Variants in RPTOR observed in about 807,000 individuals in gnomAD.
The protein encoded by RPTOR is regulatory-associated protein of mTOR.
RPTOR carries 21 observed loss-of-function variants against 169.9 expected under a neutral mutation model. That is an observed-to-expected ratio of 0.12 (90% CI 0.09 to 0.18). The LOEUF is 0.18. Ranked by LOEUF, RPTOR falls within the 10% of genes least tolerant of loss-of-function variation. The pLI is 1.00. For synonymous variants in RPTOR, 732 were observed against 753.2 expected (o/e 0.97, Z 0.46); for missense variants, 1,133 against 1,855.9 (o/e 0.61, Z 7.16).
intron 6 of RPTOR, among the ~76,000 whole-genome samples, chr17:80,787,209 G>C (rs1303201334): frequency 6.6e-6 from 1 of 152,142 alleles, no homozygotes; most frequent in Non-Finnish European, 1.5e-5. Flanking sequence ...AAAGGCTTTA[G>C]TGCTGAATGT....
chr17:80,911,520 A>G (rs2068612661), intron 21 of RPTOR, among the ~76,000 whole-genome samples: 1 of 152,174 alleles, frequency 6.6e-6, no homozygotes, highest in South Asian at 2.1e-4. Context: ...GGTGGCTCAC[A>G]CCTGTAATCC....
At chr17:80,899,000 G>A (rs1470544445) in intron 20 of RPTOR, among the ~76,000 whole-genome samples, 1 of 152,094 alleles carries the variant, frequency 6.6e-6, no homozygotes, top group Non-Finnish European at 1.5e-5. Context: ...CCTCTGGATA[G>A]AACGAGTCCA....
chr17:80,639,809 C>A (rs996694028), intron 2 of RPTOR, among the ~76,000 whole-genome samples: 1 of 152,134 alleles, frequency 6.6e-6, no homozygotes, highest in Non-Finnish European at 1.5e-5. Flanking sequence ...AGTGCCAGCT[C>A]TTTGGAAGGT....
In RPTOR at chr17:80,896,234, A is replaced by G. The variant is rs546817578; in HGVS notation, c.2401+2369A>G. Among the ~76,000 whole-genome samples the G allele has an allele frequency of 2.0e-5, 3 of 152,030 alleles. No individual in the cohort carries two copies. The East Asian group carries it at 5.8e-4, about 29-fold the overall frequency. ...TTCTTTATGCCACCCCAGACCCTTC[A>G]TCAGACAGCCCGTCCTCCCGCCAGT... On this transcript the variant is annotated intron_variant, in intron 20 of 33. Coordinates refer to ENST00000306801, the MANE Select transcript of RPTOR (RefSeq NM_020761.3).
At position 80,776,460 on chromosome 17, in the gene RPTOR, A is replaced by T. The variant is rs539373800; in HGVS notation, c.831-14990A>T. 1.1e-4 allele frequency among the ~76,000 whole-genome samples: 16 copies of T among 151,402 alleles called. 1 individual carries two copies. The South Asian group carries it at 3.4e-3, about 32-fold the overall frequency. On this transcript the variant is annotated intron_variant, in intron 6 of 33. Transcript: ENST00000306801. ...TGCCTCAGACTCCCAAGTAGCTGGG[A>T]CTATAGGTGTGCACCACAATGCCCA... is the stretch of plus-strand genomic sequence containing the variant.
intron 28 of RPTOR, among the ~76,000 whole-genome samples, chr17:80,954,382 A>G (rs2069221956): frequency 6.6e-6 from 1 of 152,008 alleles, no homozygotes; most frequent in Non-Finnish European, 1.5e-5. Flanking sequence ...TCAGCCTCCC[A>G]AAGTGCTGGG....
At chr17:80,787,030 G>A (rs1413925930) in intron 6 of RPTOR, among the ~76,000 whole-genome samples, 1 of 151,994 alleles carries the variant, frequency 6.6e-6, no homozygotes, top group Non-Finnish European at 1.5e-5. Flanking sequence ...GATGACCTGC[G>A]CCCACCACGC....
chr17:80,704,961 T>C (rs1191521853), intron 3 of RPTOR, among the ~76,000 whole-genome samples: 1 of 152,276 alleles, frequency 6.6e-6, no homozygotes, highest in Non-Finnish European at 1.5e-5. Context: ...CCAGAACATG[T>C]GGGTCAGATT....
At position 80,823,257 on chromosome 17, in the gene RPTOR, C is replaced by T. The variant is rs760721593; in HGVS notation, c.1136+34C>T. On this transcript the variant is annotated intron_variant, in intron 9 of 33. Coordinates refer to ENST00000306801, the MANE Select transcript of RPTOR (RefSeq NM_020761.3). This position sits in a 1 kb window ranked among gnomAD's most constrained non-coding sequence, Gnocchi z 4.5. ...TTCAGGATCCTCCAGGTGCCGTGCTCCCCCGCCCTCCGTGGCACTGTGATG... is the reference window on the plus strand; with the variant it reads ...TTCAGGATCCTCCAGGTGCCGTGCTTCCCCGCCCTCCGTGGCACTGTGATG... The T allele has an allele frequency of 1.2e-6, 2 of 1,606,824 alleles. No individual in the cohort carries two copies. Among genetic ancestry groups the T allele is most frequent in the South Asian group, 2.2e-5 (2 of 90,772 alleles).
At chr17:80,614,180 C>G (rs1166453422) in intron 1 of RPTOR, among the ~76,000 whole-genome samples, 1 of 152,182 alleles carries the variant, frequency 6.6e-6, no homozygotes, top group African/African-American at 2.4e-5. Flanking sequence ...AATACACATA[C>G]TCACCAAGCC....
chr17:80,572,634 A>C (rs2064919412), intron 1 of RPTOR, among the ~76,000 whole-genome samples: 1 of 152,156 alleles, frequency 6.6e-6, no homozygotes, highest in Admixed American at 6.5e-5. Context: ...CTGAGGCAGG[A>C]GGATGGCTTG....
intron 4 of RPTOR, among the ~76,000 whole-genome samples, chr17:80,709,897 T>A (rs2066173011): frequency 1.3e-5 from 2 of 152,142 alleles, no homozygotes; most frequent in African/African-American, 4.8e-5. Flanking sequence ...CAGTAATGAT[T>A]TTTATGAATT....
chr17:80,687,731 C>G (rs1598222772), intron 3 of RPTOR, among the ~76,000 whole-genome samples: 1 of 152,198 alleles, frequency 6.6e-6, no homozygotes, highest in African/African-American at 2.4e-5. Flanking sequence ...TTGATGATCT[C>G]CGAGGCTGCC....
At chr17:80,904,135 C>T (rs1304253209) in intron 20 of RPTOR, among the ~76,000 whole-genome samples, 2 of 152,202 alleles carry the variant, frequency 1.3e-5, no homozygotes, top group Admixed American at 6.5e-5. Context: ...CGGCTCCGGC[C>T]GGCCCAGGAG....
chr17:80,921,143 G>A (rs899563115), intron 21 of RPTOR, among the ~76,000 whole-genome samples: 2 of 152,250 alleles, frequency 1.3e-5, no homozygotes, highest in African/African-American at 4.8e-5. Context: ...CTGAATTGCA[G>A]GTTCAAGGTT....
chr17:80,927,276 C>T (rs1415310799), intron 24 of RPTOR, among the ~76,000 whole-genome samples: 2 of 152,156 alleles, frequency 1.3e-5, no homozygotes, highest in Admixed American at 6.5e-5. Flanking sequence ...GATGCGGTCT[C>T]GTGCTTAAGG....
At chr17:80,945,586 C>G in intron 25 of RPTOR, 81 bp from the exon 26 acceptor site, 1 of 880,620 alleles carries the variant, frequency 1.1e-6, no homozygotes, top group South Asian at 1.8e-5. Context: ...AGCGAGACTC[C>G]GTCTCAAAAA....
At chr17:80,925,530 T>C in intron 24 of RPTOR, 50 bp downstream of exon 24, 1 of 1,421,348 alleles carries the variant, frequency 7.0e-7, no homozygotes, top group Non-Finnish European at 9.9e-7. Flanking sequence ...AACATGTGTC[T>C]GTCCCACTTC....
chr17:80,833,714 G>A (rs189740548), intron 9 of RPTOR, among the ~76,000 whole-genome samples: 1 of 152,254 alleles, frequency 6.6e-6, no homozygotes, highest in Non-Finnish European at 1.5e-5. Flanking sequence ...TGCAGGCCGG[G>A]TGCAATGGCT....
Sources: allele counts gnomAD v4.1 joint callset (sites outside exome capture counted in the v4.1 genomes callset), GRCh38; gene constraint gnomAD v4.1.1; non-coding constraint Gnocchi (gnomAD v3.1); transcripts MANE v1.5; gene names NCBI Gene and HGNC (gene_info 2026-07-23, HGNC 2026-07-21).